The following B4GALNT3 variants were observed in gnomAD, a reference collection of about 807,000 sequenced individuals.
B4GALNT3 encodes beta-1,4-N-acetyl-galactosaminyltransferase 3.
A neutral mutation model predicts 120.2 loss-of-function variants in B4GALNT3; 86 were observed. That is an observed-to-expected ratio of 0.72 (90% confidence interval 0.60 to 0.86). The LOEUF (loss-of-function observed/expected upper bound fraction) is 0.86. B4GALNT3 is among the 40% of genes least tolerant of loss of function. The pLI, the probability that B4GALNT3 is intolerant of heterozygous loss-of-function variation, is 0.00. For missense variants in B4GALNT3, 1,167 were observed against 1,298.9 expected (o/e 0.90, Z 1.56); for synonymous variants, 518 against 510.4 (o/e 1.01, Z -0.20).
chr12:558,699 C>T (rs759261471), intron 18 of B4GALNT3, 38 bp downstream of exon 18: 20 of 1,604,416 alleles, frequency 1.2e-5, no homozygotes, highest in Non-Finnish European at 1.7e-5. Flanking sequence ...GGAAAGACTT[C>T]TCTGATCTTG....
intron 3 of B4GALNT3, chr12:543,292 T>G: frequency 9.4e-7 from 1 of 1,069,228 alleles, no homozygotes; most frequent in Non-Finnish European, 1.3e-6. Context: ...GGCCCCTTTC[T>G]GCCCAGCCTC....
intron 1 of B4GALNT3, among the ~76,000 whole-genome samples, chr12:525,209 A>C (rs1437128720): frequency 6.6e-6 from 1 of 152,020 alleles, no homozygotes; most frequent in Non-Finnish European, 1.5e-5. Context: ...CCTGGGTTCA[A>C]GCAGTTCTCC....
intron 6 of B4GALNT3, among the ~76,000 whole-genome samples, chr12:545,739 G>A (rs1946992059): frequency 7.2e-6 from 1 of 139,550 alleles, no homozygotes; most frequent in African/African-American, 2.8e-5. Flanking sequence ...GGAGGAGCGA[G>A]GAGTGGGGAG....
chr12:533,100 A>C (rs1438130878), intron 1 of B4GALNT3, among the ~76,000 whole-genome samples: 7 of 152,172 alleles, frequency 4.6e-5, no homozygotes, highest in Non-Finnish European at 1.0e-4. Flanking sequence ...TCCTCCCCAC[A>C]GTGTAACTCA....
chr12:544,061 A>T (rs375867359), intron 3 of B4GALNT3, among the ~76,000 whole-genome samples: 2 of 29,042 alleles, frequency 6.9e-5, no homozygotes, highest in East Asian at 9.1e-4. Context: ...TCATCTTCCC[A>T]GAGCTGAGGA....
At chr12:463,475 C>T (rs190492348) in intron 1 of B4GALNT3, among the ~76,000 whole-genome samples, 206 of 152,282 alleles carry the variant, frequency 1.4e-3, no homozygotes, top group Middle Eastern at 3.4e-3. Context: ...ATTTACTTAG[C>T]GCATACCTCG....
chr12:548,239 G>A lies in B4GALNT3; in HGVS notation c.795G>A (p.Arg265=). Residue 265 remains arginine, a synonymous_variant, in exon 9 of 20, where the codon CGG becomes CGA. Transcript: ENST00000266383. The surrounding 1 kb of genome is among the most constrained non-coding windows in gnomAD (Gnocchi z 4.9). ...GTDHVEVAWR[R]NDPGAKFTII... The stretch of plus-strand genomic sequence containing the variant: ...TCTCTCTCCTCTTCCAGTGGCGACG[G>A]AACGACCCTGGAGCCAAGTTCACCA... The A allele has an allele frequency of 6.2e-7, 1 of 1,614,048 alleles. No individual in the cohort carries two copies. The highest frequency in any genetic ancestry group is 8.5e-7 in the Non-Finnish European group (1 of 1,179,942).
chr12:542,181 C>T (rs555161437), intron 3 of B4GALNT3, among the ~76,000 whole-genome samples: 3 of 152,296 alleles, frequency 2.0e-5, no homozygotes, highest in South Asian at 4.1e-4. Flanking sequence ...TGGCATTGAC[C>T]AGGCCAGTGT....
intron 3 of B4GALNT3, among the ~76,000 whole-genome samples, chr12:537,959 A>G (rs1946878090): frequency 6.6e-6 from 1 of 152,050 alleles, no homozygotes; most frequent in South Asian, 2.1e-4. Flanking sequence ...GCCCTGGGAG[A>G]GGATGGATTA....
intron 3 of B4GALNT3, among the ~76,000 whole-genome samples, chr12:541,768 C>G (rs1946918317): frequency 6.6e-6 from 1 of 151,840 alleles, no homozygotes; most frequent in African/African-American, 2.4e-5. Flanking sequence ...GCAAGAAAGG[C>G]CCTGAGGGTG....
chr12:526,951 T>C (rs1946763954), intron 1 of B4GALNT3, among the ~76,000 whole-genome samples: 1 of 152,094 alleles, frequency 6.6e-6, no homozygotes, highest in Non-Finnish European at 1.5e-5. Flanking sequence ...GTTTTTGTGA[T>C]AGAGTCTCCC....
intron 1 of B4GALNT3, among the ~76,000 whole-genome samples, chr12:528,275 G>A (rs1946775237): frequency 6.6e-6 from 1 of 152,130 alleles, no homozygotes; most frequent in South Asian, 2.1e-4. Flanking sequence ...GAGTTCAGTG[G>A]CAATTCACAG....
In B4GALNT3 at chr12:553,707, C is replaced by T. The variant is rs148059237; in HGVS notation, c.1784C>T (p.Ala595Val). The T allele has an allele frequency of 0.02, 32,583 of 1,613,600 alleles. 409 individuals are homozygous for T. Among genetic ancestry groups the T allele is most frequent in the Non-Finnish European group, 0.025 (29,000 of 1,179,662 alleles). ...RGWHGEEEVV[A>V]AAGQEGQVEG... ...TGGCATGGGGAGGAGGAAGTGGTGGCGGCCGCAGGCCAGGAAGGACAAGTG... is the reference window on the plus strand; with the variant it reads ...TGGCATGGGGAGGAGGAAGTGGTGGTGGCCGCAGGCCAGGAAGGACAAGTG... The change falls in exon 14 of 20, where the codon GCG becomes GTG. Residue 595 changes from alanine (A) to valine (V), a missense_variant. Ala to Val is a moderately conservative substitution (Grantham distance 64). Coordinates refer to ENST00000266383, the MANE Select transcript of B4GALNT3 (RefSeq NM_173593.4).
intron 1 of B4GALNT3, among the ~76,000 whole-genome samples, chr12:480,700 C>G (rs922988723): frequency 1.6e-5 from 2 of 123,566 alleles, no homozygotes; most frequent in South Asian, 2.7e-4. Context: ...TGTCCTCACC[C>G]CTCCTCCTGT....
At chr12:541,004 A>G (rs986558198) in intron 3 of B4GALNT3, among the ~76,000 whole-genome samples, 5 of 152,126 alleles carry the variant, frequency 3.3e-5, no homozygotes, top group African/African-American at 1.2e-4. Context: ...CAGCCTCCCA[A>G]AGTGCTGGGA....
At chr12:506,874 G>T (rs1217789692) in intron 1 of B4GALNT3, among the ~76,000 whole-genome samples, 1 of 152,202 alleles carries the variant, frequency 6.6e-6, no homozygotes, top group African/African-American at 2.4e-5. Flanking sequence ...CTGACCTCGT[G>T]ATCCGCCCGC....
intron 3 of B4GALNT3, among the ~76,000 whole-genome samples, chr12:537,458 T>G (rs1946872734): frequency 6.6e-6 from 1 of 152,214 alleles, no homozygotes; most frequent in Non-Finnish European, 1.5e-5. Flanking sequence ...GGTCTCACTA[T>G]ATTGCCCAGG....
intron 1 of B4GALNT3, among the ~76,000 whole-genome samples, chr12:500,768 T>C (rs577095322): frequency 3.0e-4 from 46 of 151,766 alleles, no homozygotes; most frequent in Admixed American, 1.6e-3. Context: ...AGGCCAGGGC[T>C]GGCATCCATT....
At chr12:528,788 C>T (rs1565603481) in intron 1 of B4GALNT3, among the ~76,000 whole-genome samples, 1 of 152,220 alleles carries the variant, frequency 6.6e-6, no homozygotes, top group Admixed American at 6.5e-5. Context: ...TTTTCCATCC[C>T]AGGACTCAGT....
Sources: gnomAD v4.1 joint callset for allele counts (sites outside exome capture counted in the v4.1 genomes callset) on GRCh38, gnomAD v4.1.1 for gene constraint, Gnocchi (gnomAD v3.1) non-coding constraint, MANE v1.5 for transcripts, NCBI Gene and HGNC (gene_info 2026-07-23, HGNC 2026-07-21) for gene names.